Variants in NDUFAF6 observed in about 807,000 individuals in gnomAD.
NDUFAF6 encodes the protein NADH dehydrogenase (ubiquinone) complex I, assembly factor 6.
In NDUFAF6, 45 loss-of-function variants were observed where a neutral mutation model predicts 40.8. The observed-to-expected ratio is 1.10, with a 90% confidence interval of 0.87 to 1.42. The LOEUF (loss-of-function observed/expected upper bound fraction) is 1.42, where lower values mean the gene tolerates loss of function less well. Ranked by LOEUF, NDUFAF6 falls within the 40% of genes most tolerant of loss-of-function variation. NDUFAF6 has a pLI of 0.00. For synonymous variants in NDUFAF6, 185 were observed against 155.9 expected, an observed-to-expected ratio of 1.19 and a Z score of -1.39; for missense variants, 435 against 418.5, an observed-to-expected ratio of 1.04 and a Z score of -0.34.
intron 1 of NDUFAF6, among the ~76,000 whole-genome samples, chr8:94,898,349 A>C (rs142335697): frequency 1.3e-5 from 2 of 152,314 alleles, no homozygotes; most frequent in African/African-American, 4.8e-5. Context: ...TGGCCATGGC[A>C]GTTTCTCAGA....
chr8:95,093,494 C>G (rs1262054891), intron 2 of NDUFAF6, among the ~76,000 whole-genome samples: 1 of 152,212 alleles, frequency 6.6e-6, no homozygotes, highest in Non-Finnish European at 1.5e-5. Context: ...GACACCATAA[C>G]TCATACCCTA....
At chr8:94,920,024 T>C (rs947246300) in intron 1 of NDUFAF6, among the ~76,000 whole-genome samples, 2 of 152,168 alleles carry the variant, frequency 1.3e-5, no homozygotes, top group African/African-American at 2.4e-5. Context: ...TCACACTTCA[T>C]GTTAAAATAC....
intron 1 of NDUFAF6, among the ~76,000 whole-genome samples, chr8:94,967,505 T>C (rs1010296118): frequency 1.3e-5 from 2 of 152,184 alleles, no homozygotes; most frequent in Non-Finnish European, 2.9e-5. Flanking sequence ...GATCCTTTAG[T>C]CATCTGTTGC....
intron 9 of NDUFAF6, chr8:95,073,111 T>C (rs1832921332): frequency 6.6e-6 from 1 of 152,636 alleles, no homozygotes; most frequent in Non-Finnish European, 1.5e-5. Context: ...AAGCTAGGAA[T>C]AGACGCGCTG....
In NDUFAF6 at chr8:94,997,645, T is replaced by A. The variant is rs1826516525; in HGVS notation, c.-84+16672T>A. ...AAAGGATTCACAGGGCTACCTATTA[T>A]TAGTGTATATTATTTTTCTCAATGC... On this transcript the variant is annotated intron_variant, in intron 2 of 9. Transcript: ENST00000396111. Among the ~76,000 whole-genome samples, 3 of 152,330 alleles carry A rather than the reference T, an allele frequency of 2.0e-5. No homozygotes were observed. In the South Asian group the frequency reaches 6.2e-4, roughly 32 times the overall value.
intron 1 of NDUFAF6, chr8:94,927,086 T>C (rs1038418466): frequency 6.6e-6 from 1 of 152,582 alleles, no homozygotes; most frequent in Admixed American, 6.5e-5. Context: ...AGCAGTCTCT[T>C]GACTCAAAAA....
intron 2 of NDUFAF6, among the ~76,000 whole-genome samples, chr8:95,081,796 T>G (rs1354593923): frequency 6.6e-6 from 1 of 151,698 alleles, no homozygotes; most frequent in Admixed American, 6.6e-5. Context: ...GCGTGGTGGC[T>G]CACGCCTGTA....
rs114697094 is a variant in NDUFAF6, at chr8:94,979,123, C to T, written c.-198-1736C>T. On this transcript the variant is annotated intron_variant, in intron 1 of 9. Transcript: ENST00000396111. ...TTAGCATGCGGCTAAAACTGAGAGC[C>T]GTCCTGAGGATCTGAAGTCACTACT... is the stretch of plus-strand genomic sequence containing the variant. 1.7e-3 allele frequency among the ~76,000 whole-genome samples: 261 copies of T among 152,292 alleles called. 1 individual carries two copies. The highest frequency in any genetic ancestry group is 5.5e-3 in the African/African-American group (227 of 41,560).
rs1213330948 is a variant in NDUFAF6, at chr8:94,938,522, C to T, written c.-935-6961C>T. Among the ~76,000 whole-genome samples, 4 of 152,206 alleles carry T rather than the reference C, an allele frequency of 2.6e-5. No homozygotes were observed. In the East Asian group the frequency reaches 7.7e-4, roughly 29 times the overall value. On this transcript the variant is annotated intron_variant, in intron 1 of 14. Coordinates refer to the NDUFAF6 transcript ENST00000396113. Reference sequence around the variant, plus strand: ...GATGGGATGTGGTCACTATAAAGACCAAGTTACAGTTGGGACTTTTAGCCC... The same window carrying T: ...GATGGGATGTGGTCACTATAAAGACTAAGTTACAGTTGGGACTTTTAGCCC...
chr8:95,081,143 C>CTTTTTT (rs559573385), downstream of NDUFAF6, among the ~76,000 whole-genome samples: 26 of 57,758 alleles, frequency 4.5e-4, 2 homozygotes, highest in African/African-American at 1.1e-3. Context: ...AGTCCTGCAT[C>CTTTTTT]TTTTTTTTTT....
intron 1 of NDUFAF6, among the ~76,000 whole-genome samples, chr8:94,912,950 G>A (rs1833522142): frequency 6.6e-6 from 1 of 152,178 alleles, no homozygotes; most frequent in Non-Finnish European, 1.5e-5. Context: ...CTGCATTCCA[G>A]CCTGGCGACA....
intron 1 of NDUFAF6, among the ~76,000 whole-genome samples, chr8:94,970,068 A>G (rs924986139): frequency 2.6e-5 from 4 of 152,118 alleles, no homozygotes; most frequent in African/African-American, 9.7e-5. Flanking sequence ...CATCCTGGCT[A>G]ACATGGTGAA....
intron 2 of NDUFAF6, among the ~76,000 whole-genome samples, chr8:95,019,736 A>G (rs1217049233): frequency 1.3e-5 from 2 of 152,156 alleles, no homozygotes; most frequent in Admixed American, 6.5e-5. Flanking sequence ...CCTTTTAGCA[A>G]ATGAAAAATA....
chr8:94,997,343 C>CACAGAGAG lies in NDUFAF6; in HGVS notation c.-84+16371_-84+16372insCAGAGAGA, dbSNP rs1242904810. ...ACACACACACACACACACACACACACAGAGAGAGAGAGAGAGAGAGAGACA... is the reference window on the plus strand; with the variant it reads ...ACACACACACACACACACACACACACACAGAGAGAGAGAGAGAGAGAGAGAGAGAGACA... On this transcript the variant is annotated intron_variant, in intron 2 of 9. Transcript: ENST00000396111. 5.8e-3 allele frequency among the ~76,000 whole-genome samples: 528 copies of CACAGAGAG among 90,542 alleles called. 3 individuals carry two copies. The highest frequency in any genetic ancestry group is 0.015 in the African/African-American group (336 of 22,052). 59.4% of individuals were successfully genotyped at this position (90,542 alleles called of 152,430 possible).
At chr8:94,986,436 AT>A (rs913903829) in intron 2 of NDUFAF6, among the ~76,000 whole-genome samples, 4 of 152,336 alleles carry the variant, frequency 2.6e-5, no homozygotes, top group Middle Eastern at 3.4e-3. Context: ...CCTTGAGGAC[AT>A]TTGCTTCCTG....
At chr8:94,944,448 G>A (rs1821816378) in intron 1 of NDUFAF6, among the ~76,000 whole-genome samples, 1 of 152,246 alleles carries the variant, frequency 6.6e-6, no homozygotes. Context: ...ATATATGCAA[G>A]TAGCAAGTAA....
intron 3 of NDUFAF6, among the ~76,000 whole-genome samples, chr8:95,039,546 G>T (rs957627064): frequency 1.3e-5 from 2 of 150,944 alleles, no homozygotes; most frequent in Admixed American, 6.6e-5. Context: ...CCAAAGTGCT[G>T]GTATTACAGG....
intron 1 of NDUFAF6, among the ~76,000 whole-genome samples, chr8:94,905,697 A>G (rs1457091296): frequency 6.6e-6 from 1 of 152,038 alleles, no homozygotes; most frequent in East Asian, 1.9e-4. Context: ...TTCCTCTCCT[A>G]GTGTTCTTGC....
At chr8:94,905,401 G>C (rs1818330777) in intron 1 of NDUFAF6, among the ~76,000 whole-genome samples, 1 of 151,892 alleles carries the variant, frequency 6.6e-6, no homozygotes, top group Non-Finnish European at 1.5e-5. Context: ...TGATGTGAGA[G>C]GGGAGGCAGC....
Sources: gnomAD v4.1 joint callset for allele counts (sites outside exome capture counted in the v4.1 genomes callset) on GRCh38, gnomAD v4.1.1 for gene constraint, MANE v1.5 for transcripts, NCBI Gene and HGNC (gene_info 2026-07-23, HGNC 2026-07-21) for gene names.